The following MIA3 variants were observed in gnomAD, a reference collection of about 807,000 sequenced individuals.
The protein encoded by MIA3 is transport and Golgi organization protein 1 homolog.
A neutral mutation model predicts 192.4 loss-of-function variants in MIA3; 90 were observed. That is an observed-to-expected ratio of 0.47 (90% confidence interval 0.39 to 0.56). The LOEUF (loss-of-function observed/expected upper bound fraction) is 0.56, where lower values mean the gene tolerates loss of function less well. Ranked by LOEUF, MIA3 falls within the 20% of genes least tolerant of loss-of-function variation. The pLI, the probability that MIA3 is intolerant of heterozygous loss-of-function variation, is 0.00. For synonymous variants in MIA3, 740 were observed against 792.8 expected, an observed-to-expected ratio of 0.93 and a Z score of 1.12; for missense variants, 2,123 against 2,269.4, an observed-to-expected ratio of 0.94 and a Z score of 1.31.
intron 2 of MIA3, among the ~76,000 whole-genome samples, chr1:222,624,044 G>T (rs867228026): frequency 3.4e-4 from 52 of 152,154 alleles, no homozygotes; most frequent in African/African-American, 1.1e-3. Flanking sequence ...CACTTATAAT[G>T]CAGATTTCTT....
At chr1:222,635,516 C>T (rs1286647460) in intron 6 of MIA3, among the ~76,000 whole-genome samples, 1 of 152,006 alleles carries the variant, frequency 6.6e-6, no homozygotes, top group African/African-American at 2.4e-5. Context: ...TACAAGATTC[C>T]AAGAGGTATA....
At chr1:222,663,963 A>C (rs1256206348) in intron 26 of MIA3, 35 bp from the exon 27 acceptor site, 1 of 1,581,270 alleles carries the variant, frequency 6.3e-7, no homozygotes, top group East Asian at 2.3e-5. Context: ...GTCATACCAT[A>C]GTATTTCAAA....
intron 9 of MIA3, 58 bp from the exon 10 acceptor site, chr1:222,650,576 A>G (rs1330990021): frequency 8.2e-7 from 1 of 1,215,800 alleles, no homozygotes; most frequent in East Asian, 2.3e-5. Context: ...ACTTGAAAAT[A>G]AGTTCTGGTA....
chr1:222,631,287 A>G (rs1662389432), intron 4 of MIA3, among the ~76,000 whole-genome samples: 1 of 151,836 alleles, frequency 6.6e-6, no homozygotes. Flanking sequence ...GTGCCCAAAT[A>G]ATTTTTATTT....
chr1:222,665,254 A>G (rs1664222815), intron 27 of MIA3, 55 bp from the exon 28 acceptor site: 1 of 1,054,204 alleles, frequency 9.5e-7, no homozygotes. Flanking sequence ...ACCTGGCATT[A>G]TCTTAATTTA....
intron 23 of MIA3, 35 bp downstream of exon 23, chr1:222,660,041 T>G: frequency 6.3e-7 from 1 of 1,590,100 alleles, no homozygotes; most frequent in Non-Finnish European, 8.6e-7. Flanking sequence ...CAACAATCTG[T>G]TTTTTGATGT....
chr1:222,643,748 T>C (rs931602040), intron 6 of MIA3, among the ~76,000 whole-genome samples: 2 of 151,670 alleles, frequency 1.3e-5, no homozygotes, highest in African/African-American at 2.4e-5. Flanking sequence ...CTGGGCAACA[T>C]AGGGAGACTC....
rs367936377 is a variant in MIA3, at chr1:222,629,700, G to C, written c.2480G>C (p.Arg827Pro). ...AAGAAAGCACAGAGACCATTTGAAC[G>C]AAGTGACTTTTCTGACAGCATAAAA... ...ADKKAQRPFERSDFSDSIKIQ... is the reference protein window; with the variant it reads ...ADKKAQRPFEPSDFSDSIKIQ... Residue 827 changes from arginine to proline, a missense_variant, in exon 4 of 28, where the codon CGA (arginine) becomes CCA (proline). Coordinates refer to ENST00000344922, the MANE Select transcript of MIA3 (RefSeq NM_198551.4). 6.2e-7 allele frequency: 1 copy of C among 1,614,158 alleles called. No homozygotes were observed. Among genetic ancestry groups the C allele is most frequent in the African/African-American group, 1.3e-5 (1 of 75,052 alleles).
intron 11 of MIA3, among the ~76,000 whole-genome samples, chr1:222,651,653 A>AG (rs1663440617): frequency 6.6e-6 from 1 of 151,792 alleles, no homozygotes; most frequent in East Asian, 1.9e-4. Flanking sequence ...CACAAGAAAA[A>AG]AAAAAGTCAC....
In MIA3 at chr1:222,641,579, C is replaced by T. The variant is rs1459652027; in HGVS notation, c.3478-3975C>T. The T allele has an allele frequency of 2.1e-5, 11 of 514,158 alleles. No homozygotes were observed. The East Asian group carries it at 2.6e-4, about 12-fold the overall frequency. The allele number at this position is 514,158 out of a possible 1,614,324, so 31.8% of individuals were successfully genotyped here. On this transcript the variant is annotated intron_variant, in intron 6 of 27. Coordinates refer to ENST00000344922, the MANE Select transcript of MIA3 (RefSeq NM_198551.4). Reference sequence around the variant, plus strand: ...CTCTTCAAGAAGTCCTTGGCATCCTCGGCTATCTTATCTACATAGTACCCA... The same window carrying T: ...CTCTTCAAGAAGTCCTTGGCATCCTTGGCTATCTTATCTACATAGTACCCA...
intron 6 of MIA3, chr1:222,641,593 A>G: frequency 1.9e-6 from 1 of 524,196 alleles, no homozygotes; most frequent in Non-Finnish European, 3.8e-6. Flanking sequence ...TATCTTATCT[A>G]CATAGTACCC....
chr1:222,630,476 C>G (rs568837795), intron 4 of MIA3, 87 bp downstream of exon 4: 2 of 1,382,058 alleles, frequency 1.4e-6, no homozygotes, highest in Non-Finnish European at 2.0e-6. Flanking sequence ...AAGCTCTGTT[C>G]AGTTTCCAAT....
At chr1:222,661,423 T>C (rs1016661955) in intron 24 of MIA3, 1 of 152,512 alleles carries the variant, frequency 6.6e-6, no homozygotes, top group African/African-American at 2.4e-5. Flanking sequence ...ACATTTTCTT[T>C]AGCTTACTTT....
chr1:222,657,850 A>C (rs904512268), intron 18 of MIA3, among the ~76,000 whole-genome samples: 8 of 152,258 alleles, frequency 5.3e-5, no homozygotes, highest in African/African-American at 1.9e-4. Context: ...AAAAGAATAC[A>C]TAAACTTTTT....
rs192782056 is a variant in MIA3, at chr1:222,620,009, C to T, written c.134-1150C>T. On this transcript the variant is annotated intron_variant, in intron 1 of 27. Transcript: ENST00000344922. ...AAACATTGCCATTTTCAATTCTGAT[C>T]TTATTCCCAACCTTAAATTGTCCAT... Among the ~76,000 whole-genome samples the T allele has an allele frequency of 8.1e-4, 124 of 152,292 alleles. 2 individuals carry two copies. The East Asian group carries it at 0.019, about 23-fold the overall frequency.
intron 6 of MIA3, among the ~76,000 whole-genome samples, chr1:222,634,300 G>A (rs978345837): frequency 6.6e-6 from 1 of 151,902 alleles, no homozygotes; most frequent in South Asian, 2.1e-4. Flanking sequence ...CAGCCTGAGC[G>A]ACAGAGCAAG....
In MIA3 at chr1:222,665,305, C is replaced by T. The variant is rs1418410041; in HGVS notation, c.5414-4C>T. ...ATTTACTGGAAATAATTTTTGTTTT[C>T]CAGGCCCTGGTATGCGTCCACCACT... On this transcript the variant is annotated splice_polypyrimidine_tract_variant and splice_region_variant and intron_variant, in intron 27 of 27. Transcript: ENST00000344922. 3 of 1,571,158 alleles carry T rather than the reference C, an allele frequency of 1.9e-6. No homozygotes were observed. The highest frequency in any genetic ancestry group is 2.6e-6 in the Non-Finnish European group (3 of 1,162,454).
At position 222,665,615 on chromosome 1, in the gene MIA3, C is replaced by T; in HGVS notation, c.5720C>T (p.Pro1907Leu). ...TGTTCACAGGCTTTAAAACAGAGCC[C>T]ATAAAACTATGACCTCTGAGGTTTC... Reference protein sequence around the residue: ...QDCSQALKQSP With the variant: ...QDCSQALKQSL Residue 1907 changes from proline to leucine, a missense_variant, in exon 28 of 28, where the codon CCA becomes CTA. By Grantham distance (98) the Pro-to-Leu change is moderately conservative. Around this residue, in one of 3 missense-constraint regions of MIA3, gnomAD observed 762 missense variants for 856.4 expected, o/e 0.89. Transcript: ENST00000344922. 6.3e-7 allele frequency: 1 copy of T among 1,578,986 alleles called. No homozygotes were observed. Among genetic ancestry groups the T allele is most frequent in the Middle Eastern group, 1.7e-4 (1 of 5,850 alleles).
At position 222,628,727 on chromosome 1, in the gene MIA3, A is replaced by C; in HGVS notation, c.1507A>C (p.Asn503His). The C allele has an allele frequency of 6.2e-7, 1 of 1,614,160 alleles. No individual in the cohort carries two copies. Among genetic ancestry groups the C allele is most frequent in the Non-Finnish European group, 8.5e-7 (1 of 1,180,030 alleles). The part of the protein sequence containing the change: ...MTVHSSVHSN[N>H]LNSMPAAEKG... ...TGTGCACAGTTCTGTTCACAGCAAT[A>C]ACCTCAACTCTATGCCAGCTGCTGA... Residue 503 changes from asparagine (N) to histidine (H), a missense_variant, in exon 4 of 28, where the codon AAC (asparagine) becomes CAC (histidine). Physicochemically the swap from Asn to His is moderately conservative, Grantham distance 68. This residue lies in a region of MIA3 where 1,357 missense variants were observed against 1,396.1 expected (regional missense o/e 0.97). Coordinates refer to ENST00000344922, the MANE Select transcript of MIA3 (RefSeq NM_198551.4).
Sources: gnomAD v4.1 joint callset for allele counts (sites outside exome capture counted in the v4.1 genomes callset) on GRCh38, gnomAD v4.1.1 for gene constraint, gnomAD v4.1.1 regional missense constraint, MANE v1.5 for transcripts, NCBI Gene and HGNC (gene_info 2026-07-23, HGNC 2026-07-21) for gene names.